GBE1: variants seen among roughly 807,000 people sequenced by gnomAD.
The protein encoded by GBE1 is 1,4-alpha-glucan branching enzyme 1, also known as 1,4-alpha-glucan-branching enzyme.
In GBE1, 70 loss-of-function variants were observed where a neutral mutation model predicts 88.8. That is an observed-to-expected ratio of 0.79 (90% CI 0.65 to 0.96). The LOEUF (loss-of-function observed/expected upper bound fraction) is 0.96, where lower values mean the gene tolerates loss of function less well. Among genes scored for constraint, GBE1 ranks in the 40% least tolerant of loss-of-function variants. The pLI is 0.00. For missense variants in GBE1, 872 were observed against 871.0 expected (o/e 1.00, Z -0.01); for synonymous variants, 284 against 300.1 (o/e 0.95, Z 0.56).
chr3:81,490,490 A>G lies in GBE1; in HGVS notation c.2053-27T>C, dbSNP rs371446592. The G allele has an allele frequency of 4.4e-6, 7 of 1,587,002 alleles. No individual in the cohort carries two copies. The African/African-American group carries it at 6.7e-5, about 15-fold the overall frequency. On this transcript the variant is annotated intron_variant, in intron 15 of 15. Transcript: ENST00000429644. ...TACGTCAAAACAATTATGTCAGTGC[A>G]ATTGAAGAAAGTACCAAACGGCCTG...
At chr3:81,737,258 T>C (rs534991854) in intron 1 of GBE1, among the ~76,000 whole-genome samples, 2 of 144,402 alleles carry the variant, frequency 1.4e-5, no homozygotes, top group South Asian at 4.2e-4. Flanking sequence ...TATATATTTA[T>C]ATAAATATAT....
chr3:81,635,762 T>C (rs1262901618), intron 7 of GBE1, among the ~76,000 whole-genome samples: 1 of 152,162 alleles, frequency 6.6e-6, no homozygotes, highest in Non-Finnish European at 1.5e-5. Flanking sequence ...CTTAGGACCA[T>C]TTTCACAAGC....
intron 14 of GBE1, among the ~76,000 whole-genome samples, chr3:81,517,326 G>A (rs1474993774): frequency 6.6e-6 from 1 of 151,362 alleles, no homozygotes; most frequent in Non-Finnish European, 1.5e-5. Flanking sequence ...TTTAAATTAT[G>A]GCATGTACAT....
At chr3:81,689,426 G>C (rs1487765155) in intron 2 of GBE1, among the ~76,000 whole-genome samples, 1 of 152,146 alleles carries the variant, frequency 6.6e-6, no homozygotes, top group African/African-American at 2.4e-5. Flanking sequence ...TTAAAATAAA[G>C]AACATTTAAT....
chr3:81,535,287 A>T lies in GBE1; in HGVS notation c.1842T>A (p.Ile614=), dbSNP rs774354874. Residue 614 remains isoleucine, a synonymous_variant, in exon 14 of 16, where the codon ATT becomes ATA. Transcript: ENST00000429644. Reference sequence around the variant, plus strand: ...AAAGAAGACCTGCTCTTTCAAAAGCAATGATCTTATTGCCTTCATGTTTTT... The same window carrying T: ...AAAGAAGACCTGCTCTTTCAAAAGCTATGATCTTATTGCCTTCATGTTTTT... ...VSEKHEGNKI[I]AFERAGLLFI... 11 of 1,611,366 alleles carry T rather than the reference A, an allele frequency of 6.8e-6. No homozygotes were observed. The highest frequency in any genetic ancestry group is 9.3e-6 in the Non-Finnish European group (11 of 1,178,608).
At chr3:81,732,256 A>C (rs1321663182) in intron 1 of GBE1, among the ~76,000 whole-genome samples, 1 of 152,184 alleles carries the variant, frequency 6.6e-6, no homozygotes, top group Non-Finnish European at 1.5e-5. Context: ...GTCCCTCAAA[A>C]ATATGATATA....
intron 14 of GBE1, among the ~76,000 whole-genome samples, chr3:81,517,917 C>T (rs1055871994): frequency 9.3e-5 from 14 of 151,308 alleles, no homozygotes; most frequent in African/African-American, 3.4e-4. Flanking sequence ...ATCCATACTC[C>T]TATCAGAGAT....
intron 14 of GBE1, among the ~76,000 whole-genome samples, chr3:81,525,801 T>A (rs771487719): frequency 1.3e-5 from 2 of 152,122 alleles, no homozygotes; most frequent in African/African-American, 4.8e-5. Flanking sequence ...TTCTTCTAGA[T>A]TTTCTGGATT....
chr3:81,723,745 G>A (rs1167280393), intron 1 of GBE1, among the ~76,000 whole-genome samples: 3 of 152,060 alleles, frequency 2.0e-5, no homozygotes, highest in East Asian at 1.9e-4. Flanking sequence ...TACCACCAAC[G>A]CACAAAAGTC....
chr3:81,513,303 C>T (rs575105408), intron 14 of GBE1, among the ~76,000 whole-genome samples: 2 of 151,496 alleles, frequency 1.3e-5, no homozygotes, highest in Non-Finnish European at 3.0e-5. Context: ...GAAAGGTGGG[C>T]AAATAGTACA....
intron 14 of GBE1, among the ~76,000 whole-genome samples, chr3:81,502,841 A>G (rs972784265): frequency 2.6e-5 from 4 of 152,198 alleles, no homozygotes; most frequent in African/African-American, 9.6e-5. Flanking sequence ...GTGAAAATTT[A>G]TCTCTGAAAA....
intron 14 of GBE1, among the ~76,000 whole-genome samples, chr3:81,503,927 T>C (rs1393513429): frequency 6.6e-6 from 1 of 152,130 alleles, no homozygotes; most frequent in Admixed American, 6.5e-5. Context: ...GGCATCTGCT[T>C]TTGGTGAGGG....
intron 2 of GBE1, among the ~76,000 whole-genome samples, chr3:81,675,864 T>A (rs1453405102): frequency 6.6e-6 from 1 of 152,104 alleles, no homozygotes; most frequent in Non-Finnish European, 1.5e-5. Context: ...GAAAACCTGA[T>A]ACAGTTCTCT....
chr3:81,525,262 G>C (rs1702928118), intron 14 of GBE1, among the ~76,000 whole-genome samples: 1 of 151,878 alleles, frequency 6.6e-6, no homozygotes, highest in Non-Finnish European at 1.5e-5. Context: ...TTTTGTCAAA[G>C]GCCTTTTCTT....
chr3:81,671,516 A>C (rs1705190287), intron 2 of GBE1, among the ~76,000 whole-genome samples: 2 of 152,178 alleles, frequency 1.3e-5, no homozygotes, highest in Non-Finnish European at 2.9e-5. Context: ...GCAGACTCAC[A>C]CACACGACAC....
intron 2 of GBE1, among the ~76,000 whole-genome samples, chr3:81,704,520 G>T (rs1705745058): frequency 6.6e-6 from 1 of 151,832 alleles, no homozygotes; most frequent in Non-Finnish European, 1.5e-5. Flanking sequence ...TGACAACAAT[G>T]ATCTGTTATC....
chr3:81,678,748 A>C (rs777610669), intron 2 of GBE1, among the ~76,000 whole-genome samples: 21 of 152,172 alleles, frequency 1.4e-4, no homozygotes, highest in Non-Finnish European at 2.8e-4. Flanking sequence ...TAAATAATTC[A>C]TAAAATGGGA....
chr3:81,736,401 C>T (rs971726386), intron 1 of GBE1, among the ~76,000 whole-genome samples: 10 of 152,166 alleles, frequency 6.6e-5, no homozygotes, highest in African/African-American at 2.4e-4. Context: ...GAAGTTAACA[C>T]ATTAAATCCA....
At chr3:81,658,759 C>G (rs1462728282) in intron 3 of GBE1, among the ~76,000 whole-genome samples, 1 of 152,108 alleles carries the variant, frequency 6.6e-6, no homozygotes, top group Non-Finnish European at 1.5e-5. Flanking sequence ...ATTACCTGAA[C>G]AAAAACCTTA....
Sources: allele counts gnomAD v4.1 joint callset (sites outside exome capture counted in the v4.1 genomes callset), GRCh38; gene constraint gnomAD v4.1.1; transcripts MANE v1.5; gene names NCBI Gene and HGNC (gene_info 2026-07-23, HGNC 2026-07-21).